CDH10: variants seen among roughly 807,000 people sequenced by gnomAD.
The protein encoded by CDH10 is cadherin 10, also known as cadherin-10.
Under a neutral mutation model 73.1 loss-of-function variants are expected in CDH10, and 30 were observed. The ratio of observed to expected loss-of-function variants is 0.41; its 90% CI spans 0.31 to 0.56. The LOEUF is 0.56. Ranked by LOEUF, CDH10 falls within the 20% of genes least tolerant of loss-of-function variation. The pLI is 0.27. For synonymous variants in CDH10, 345 were observed against 348.2 expected, an observed-to-expected ratio of 0.99 and a Z score of 0.10; for missense variants, 815 against 973.7, an observed-to-expected ratio of 0.84 and a Z score of 2.17.
intron 2 of CDH10, among the ~76,000 whole-genome samples, chr5:24,574,220 A>G (rs1436232097): frequency 6.6e-6 from 1 of 152,092 alleles, no homozygotes; most frequent in African/African-American, 2.4e-5. Context: ...ATTGCATGCT[A>G]GCTTTGCAGT....
At chr5:24,530,232 T>G (rs1382225568) in intron 5 of CDH10, among the ~76,000 whole-genome samples, 1 of 151,794 alleles carries the variant, frequency 6.6e-6, no homozygotes, top group Non-Finnish European at 1.5e-5. Flanking sequence ...TAGCCAGGCC[T>G]CAGTACATTA....
intron 9 of CDH10, among the ~76,000 whole-genome samples, chr5:24,494,844 A>G (rs747282985): frequency 8.9e-4 from 136 of 152,262 alleles, no homozygotes; most frequent in Non-Finnish European, 1.7e-3. Context: ...GATGACACAA[A>G]CAAAATAGAA....
At chr5:24,524,897 T>C (rs573617107) in intron 5 of CDH10, among the ~76,000 whole-genome samples, 1 of 152,118 alleles carries the variant, frequency 6.6e-6, no homozygotes, top group Non-Finnish European at 1.5e-5. Context: ...TTTCAAACAA[T>C]TTTGATGCAT....
In CDH10 at chr5:24,644,862, A is replaced by G. The variant is rs1360637384; in HGVS notation, c.-392T>C. ...AAAAAAAAAAAAGGAAAGGGGGGAA[A>G]AAAGCTCTTCCTCACACGGAGAGAA... On this transcript the variant is annotated 5_prime_UTR_variant, in exon 1 of 12. Transcript: ENST00000264463. The G allele has an allele frequency of 6.6e-6, 1 of 151,806 alleles. No individual in the cohort carries two copies. Among genetic ancestry groups the G allele is most frequent in the Non-Finnish European group, 1.5e-5 (1 of 68,086 alleles). 9.4% of individuals were successfully genotyped at this position (151,806 alleles called of 1,614,324 possible). A position where few individuals can be genotyped will look rare whatever the true frequency, so the allele number is the denominator to read the frequency against.
chr5:24,546,305 T>C (rs1744336595), intron 2 of CDH10, among the ~76,000 whole-genome samples: 1 of 152,134 alleles, frequency 6.6e-6, no homozygotes, highest in African/African-American at 2.4e-5. Context: ...ATTCTTGTTC[T>C]AGGTTAACTT....
rs576484698 is a variant in CDH10, at chr5:24,494,701, A to T, written c.1516-1776T>A. 2.0e-5 allele frequency among the ~76,000 whole-genome samples: 3 copies of T among 152,166 alleles called. No individual in the cohort carries two copies. The South Asian group carries it at 6.2e-4, about 32-fold the overall frequency. On this transcript the variant is annotated intron_variant, in intron 9 of 11. Transcript: ENST00000264463. ...GACATCTTTACATATATCTATAATA[A>T]ATTTTAAAAATTAACATTAAAATCT...
chr5:24,552,003 T>C (rs1330760734), intron 2 of CDH10, among the ~76,000 whole-genome samples: 1 of 152,134 alleles, frequency 6.6e-6, no homozygotes, highest in Non-Finnish European at 1.5e-5. Flanking sequence ...AACATCAGTA[T>C]GTTATCTTCT....
At chr5:24,599,246 G>A (rs1353885337) in intron 1 of CDH10, among the ~76,000 whole-genome samples, 1 of 152,098 alleles carries the variant, frequency 6.6e-6, no homozygotes, top group Non-Finnish European at 1.5e-5. Context: ...GTTACTTAAA[G>A]ATGTTCGTAT....
intron 6 of CDH10, 92 bp downstream of exon 6, chr5:24,511,235 A>G (rs1171709003): frequency 2.5e-6 from 2 of 785,278 alleles, no homozygotes; most frequent in African/African-American, 3.5e-5. Flanking sequence ...TTAGAGTAGT[A>G]TTTCCCAATG....
intron 1 of CDH10, among the ~76,000 whole-genome samples, chr5:24,597,528 C>G (rs566953785): frequency 6.6e-5 from 10 of 152,004 alleles, no homozygotes; most frequent in African/African-American, 2.4e-4. Flanking sequence ...CCTTTTTCCA[C>G]GTTTTTTTAA....
intron 2 of CDH10, among the ~76,000 whole-genome samples, chr5:24,553,723 AG>A (rs941464248): frequency 1.7e-4 from 26 of 152,218 alleles, no homozygotes; most frequent in African/African-American, 6.3e-4. Context: ...CATAATCAGG[AG>A]GAAAAAGTCT....
chr5:24,634,951 G>A (rs186420070), intron 1 of CDH10, among the ~76,000 whole-genome samples: 14 of 150,542 alleles, frequency 9.3e-5, no homozygotes, highest in African/African-American at 2.9e-4. Context: ...TATGTAATCC[G>A]TAGAAACCAT....
chr5:24,490,813 G>A (rs1322387110), intron 11 of CDH10, among the ~76,000 whole-genome samples: 1 of 152,086 alleles, frequency 6.6e-6, no homozygotes, highest in Non-Finnish European at 1.5e-5. Context: ...TTGTATATAT[G>A]AAAAGTTAGC....
intron 1 of CDH10, 55 bp from the exon 2 acceptor site, chr5:24,593,668 TTTTCA>T (rs1291110601): frequency 5.6e-6 from 3 of 540,024 alleles, no homozygotes; most frequent in Non-Finnish European, 9.8e-6. Context: ...TCATTATTAC[TTTTCA>T]TTTAAAATTT....
At chr5:24,631,660 G>A (rs555297887) in intron 1 of CDH10, among the ~76,000 whole-genome samples, 5 of 151,780 alleles carry the variant, frequency 3.3e-5, no homozygotes, top group Admixed American at 6.6e-5. Flanking sequence ...CAATCATATC[G>A]CAAGCAGAAC....
chr5:24,641,635 C>T (rs1748053840), intron 1 of CDH10, among the ~76,000 whole-genome samples: 1 of 152,012 alleles, frequency 6.6e-6, no homozygotes, highest in Admixed American at 6.6e-5. Context: ...ATTCCGAGAA[C>T]GCTTCTTTTT....
chr5:24,575,451 CG>C (rs781395979), intron 2 of CDH10, among the ~76,000 whole-genome samples: 1 of 149,158 alleles, frequency 6.7e-6, no homozygotes, highest in Non-Finnish European at 1.5e-5. Flanking sequence ...TTACGAATTA[CG>C]TTAAGATACT....
intron 2 of CDH10, among the ~76,000 whole-genome samples, chr5:24,562,227 G>T (rs939164747): frequency 6.6e-6 from 1 of 151,942 alleles, no homozygotes; most frequent in African/African-American, 2.4e-5. Flanking sequence ...CTGTCACCAT[G>T]CCATGTTCAA....
chr5:24,608,452 C>G (rs574032393), intron 1 of CDH10, among the ~76,000 whole-genome samples: 180 of 152,100 alleles, frequency 1.2e-3, no homozygotes, highest in African/African-American at 4.2e-3. Context: ...ACCACCACGC[C>G]CAGCTAATTT....
Sources: allele counts gnomAD v4.1 joint callset (sites outside exome capture counted in the v4.1 genomes callset), GRCh38; gene constraint gnomAD v4.1.1; transcripts MANE v1.5; gene names NCBI Gene and HGNC (gene_info 2026-07-23, HGNC 2026-07-21).